Variants in ADARB2 observed in about 807,000 individuals in gnomAD.
The protein encoded by ADARB2 is inactive double-stranded RNA-specific editase B2.
A neutral mutation model predicts 62.2 loss-of-function variants in ADARB2; 25 were observed. The ratio of observed to expected loss-of-function variants is 0.40; its 90% confidence interval spans 0.29 to 0.56. ADARB2 has a LOEUF of 0.56. Among genes scored for constraint, ADARB2 ranks in the 20% least tolerant of loss-of-function variants. The probability of loss-of-function intolerance (pLI) is 0.43; values close to 1 mark genes in which losing one functional copy is unlikely to be tolerated. For missense variants in ADARB2, 1,071 were observed against 1,077.4 expected (o/e 0.99, Z 0.08); for synonymous variants, 572 against 500.8 (o/e 1.14, Z -1.90).
At chr10:1,655,609 A>G (rs575683124) in intron 1 of ADARB2, among the ~76,000 whole-genome samples, 2 of 152,342 alleles carry the variant, frequency 1.3e-5, no homozygotes, top group African/African-American at 4.8e-5. Context: ...GCTCTAGGTC[A>G]AAGTTCAGCA....
intron 1 of ADARB2, among the ~76,000 whole-genome samples, chr10:1,578,218 G>A (rs1028603172): frequency 6.6e-6 from 1 of 152,178 alleles, no homozygotes. Context: ...CAGATGGCAC[G>A]TGCAGAGGCA....
At chr10:1,484,426 C>T (rs1831517309) in intron 1 of ADARB2, among the ~76,000 whole-genome samples, 1 of 152,230 alleles carries the variant, frequency 6.6e-6, no homozygotes, top group Non-Finnish European at 1.5e-5. Flanking sequence ...GCCCACCGCT[C>T]AAGCTCAGAG....
chr10:1,241,031 G>A (rs943603618), intron 5 of ADARB2, among the ~76,000 whole-genome samples: 3 of 152,200 alleles, frequency 2.0e-5, no homozygotes, highest in African/African-American at 7.2e-5. Context: ...AGCACTTTGG[G>A]AGGCCGAGAT....
chr10:1,201,428 A>T (rs373742396), intron 7 of ADARB2, among the ~76,000 whole-genome samples: 2 of 152,268 alleles, frequency 1.3e-5, no homozygotes, highest in Admixed American at 6.5e-5. Context: ...CATTTAAAAA[A>T]ATATTGTGGT....
intron 1 of ADARB2, among the ~76,000 whole-genome samples, chr10:1,599,181 C>T (rs1833376670): frequency 1.3e-5 from 2 of 152,204 alleles, no homozygotes; most frequent in Admixed American, 1.3e-4. Context: ...GGCCATCCTC[C>T]CTGCAGCGTT....
intron 8 of ADARB2, among the ~76,000 whole-genome samples, chr10:1,185,580 T>G (rs1276863252): frequency 6.6e-6 from 1 of 152,232 alleles, no homozygotes; most frequent in Non-Finnish European, 1.5e-5. Context: ...GAAACCGCAC[T>G]GGCTACAGAG....
intron 1 of ADARB2, among the ~76,000 whole-genome samples, chr10:1,633,557 T>TATCTATCTATCTATCTA (rs1833872600): frequency 9.5e-6 from 1 of 104,900 alleles, no homozygotes; most frequent in Non-Finnish European, 2.1e-5. Flanking sequence ...ATCATCTATC[T>TATCTATCTATCTATCTA]ATCTATCTAT....
At chr10:1,459,482 G>A (rs1831139482) in intron 1 of ADARB2, among the ~76,000 whole-genome samples, 1 of 152,202 alleles carries the variant, frequency 6.6e-6, no homozygotes, top group South Asian at 2.1e-4. Flanking sequence ...GGACACAAGG[G>A]CCAGGCGCAG....
intron 1 of ADARB2, among the ~76,000 whole-genome samples, chr10:1,688,364 T>A (rs917392477): frequency 2.0e-5 from 3 of 152,202 alleles, no homozygotes; most frequent in Non-Finnish European, 4.4e-5. Context: ...TGACCTCCCC[T>A]GCTGTTCCCT....
At chr10:1,640,973 G>C (rs1051906764) in intron 1 of ADARB2, among the ~76,000 whole-genome samples, 4 of 152,122 alleles carry the variant, frequency 2.6e-5, no homozygotes, top group African/African-American at 9.7e-5. Context: ...TTCACTCTTA[G>C]CTAACGTCAG....
At chr10:1,499,134 A>G (rs1425263998) in intron 1 of ADARB2, among the ~76,000 whole-genome samples, 2 of 151,898 alleles carry the variant, frequency 1.3e-5, no homozygotes, top group Non-Finnish European at 2.9e-5. Context: ...TTCATCACTC[A>G]TCACTCACTC....
rs528781344 is a variant in ADARB2 at position 1,203,728 on chromosome 10, G to A, written c.1683-3581C>T. ...TCTGCAGCAAAGCGGCACATTTGGA[G>A]CCAACACAGTCAGGTACCAGTTAGG... On this transcript the variant is annotated intron_variant, in intron 7 of 9. Transcript: ENST00000381312. Among the ~76,000 whole-genome samples, 8 of 152,302 alleles carry A rather than the reference G, an allele frequency of 5.3e-5. No homozygotes were observed. In the East Asian group the frequency reaches 1.5e-3, roughly 29 times the overall value.
intron 8 of ADARB2, chr10:1,199,580 C>T (rs897466297): frequency 9.4e-5 from 18 of 190,650 alleles, no homozygotes; most frequent in African/African-American, 3.0e-4. Context: ...CGCCCCTCCT[C>T]GCCCACCTGG....
rs990745054 is a variant in ADARB2, at chr10:1,363,200, C to G, written c.905G>C (p.Arg302Pro). ...YVCLAEPAERRARSFVMAVSV... is the reference protein window; with the variant it reads ...YVCLAEPAERPARSFVMAVSV... ...CACGGCCATCACGAAGCTCCGCGCG[C>G]GCCGCTCGGCCGGTTCTGCCAGACA... The change falls in exon 3 of 10, where the codon CGC (arginine) becomes CCC (proline). Residue 302 changes from arginine to proline, a missense_variant. Arg to Pro is a moderately radical substitution (Grantham distance 103, BLOSUM62 -2). Transcript: ENST00000381312. The G allele has an allele frequency of 6.7e-7, 1 of 1,485,140 alleles. No homozygotes were observed. Among genetic ancestry groups the G allele is most frequent in the Admixed American group, 2.1e-5 (1 of 47,280 alleles). 92.0% of individuals were successfully genotyped at this position (1,485,140 alleles called of 1,614,324 possible). A position where few individuals can be genotyped will look rare whatever the true frequency, so the allele number is the denominator to read the frequency against.
intron 1 of ADARB2, among the ~76,000 whole-genome samples, chr10:1,655,127 G>A (rs1834158328): frequency 6.6e-6 from 1 of 152,240 alleles, no homozygotes. Flanking sequence ...GCCCTGCATG[G>A]GGCCTTTCCT....
intron 1 of ADARB2, among the ~76,000 whole-genome samples, chr10:1,689,082 A>C (rs983340933): frequency 1.2e-4 from 18 of 152,216 alleles, no homozygotes; most frequent in African/African-American, 4.3e-4. Flanking sequence ...TAGAGAAAGT[A>C]GGAAAATATG....
chr10:1,276,331 T>C (rs903286204), intron 3 of ADARB2, among the ~76,000 whole-genome samples: 1 of 152,226 alleles, frequency 6.6e-6, no homozygotes, highest in African/African-American at 2.4e-5. Flanking sequence ...GTTCATATCC[T>C]TCGCCCACTT....
rs1564337446 is a variant in ADARB2, at chr10:1,580,502, G to GT, written c.100+156548_100+156549insA. Among the ~76,000 whole-genome samples, 6 of 103,228 alleles carry GT rather than the reference G, an allele frequency of 5.8e-5. 1 individual carries two copies. In the East Asian group the frequency reaches 2.1e-3, roughly 36 times the overall value. The allele number at this position is 103,228 out of a possible 152,430, so 67.7% of individuals were successfully genotyped here. Reference sequence around the variant, plus strand: ...CTGAGATGAGAAAATTTGTCTTAAGGCTTTTTTTTTTTTAGAGATTTCATT... The same window carrying GT: ...CTGAGATGAGAAAATTTGTCTTAAGGTCTTTTTTTTTTTTAGAGATTTCATT... On this transcript the variant is annotated intron_variant, in intron 1 of 9. Transcript: ENST00000381312.
At chr10:1,326,257 C>CGATTT (rs1831844041) in intron 3 of ADARB2, among the ~76,000 whole-genome samples, 2 of 152,214 alleles carry the variant, frequency 1.3e-5, no homozygotes, top group African/African-American at 4.8e-5. Flanking sequence ...TTTTAACTCA[C>CGATTT]TAATTATGAT....
Sources: gnomAD v4.1 joint callset for allele counts (sites outside exome capture counted in the v4.1 genomes callset) on GRCh38, gnomAD v4.1.1 for gene constraint, MANE v1.5 for transcripts, NCBI Gene and HGNC (gene_info 2026-07-23, HGNC 2026-07-21) for gene names.